The following ELF2 variants were observed in gnomAD, a reference collection of about 807,000 sequenced individuals.
ELF2 encodes E74 like ETS transcription factor 2, also known as ETS-related transcription factor Elf-2.
A neutral mutation model predicts 54.8 loss-of-function variants in ELF2; 11 were observed. That is an observed-to-expected ratio of 0.20 (90% CI 0.13 to 0.33). ELF2 has a LOEUF of 0.33. Ranked by LOEUF, ELF2 falls within the 10% of genes least tolerant of loss-of-function variation. The probability of loss-of-function intolerance (pLI) is 1.00; values close to 1 mark genes in which losing one functional copy is unlikely to be tolerated. For synonymous variants in ELF2, 203 were observed against 245.1 expected (o/e 0.83, Z 1.61); for missense variants, 513 against 703.0 (o/e 0.73, Z 3.06).
chr4:139,145,425 C>T (rs986813926), intron 1 of ELF2, among the ~76,000 whole-genome samples: 2 of 152,174 alleles, frequency 1.3e-5, no homozygotes, highest in South Asian at 4.1e-4. Context: ...CACTGGGCAG[C>T]TAGACCCAGA....
At chr4:139,150,547 T>C (rs1468444842) in intron 1 of ELF2, among the ~76,000 whole-genome samples, 1 of 146,632 alleles carries the variant, frequency 6.8e-6, no homozygotes, top group Non-Finnish European at 1.5e-5. Context: ...AATATGTGAA[T>C]GAGCAAAGGG....
At chr4:139,105,917 A>G (rs893605048) in intron 4 of ELF2, among the ~76,000 whole-genome samples, 2 of 152,216 alleles carry the variant, frequency 1.3e-5, no homozygotes, top group African/African-American at 4.8e-5. Context: ...CCTGGCCAAC[A>G]GCAGCCTTAT....
At chr4:139,150,847 C>A (rs536340375) in intron 1 of ELF2, among the ~76,000 whole-genome samples, 17 of 151,662 alleles carry the variant, frequency 1.1e-4, no homozygotes, top group Non-Finnish European at 1.9e-4. Context: ...ACGGTGAAAC[C>A]CGTCTCTACT....
chr4:139,083,730 G>C (rs1015190442), intron 4 of ELF2, among the ~76,000 whole-genome samples: 9 of 152,216 alleles, frequency 5.9e-5, no homozygotes, highest in African/African-American at 1.7e-4. Flanking sequence ...GCCAGACAGC[G>C]TGGCAGGCGC....
intron 1 of ELF2, among the ~76,000 whole-genome samples, chr4:139,168,091 G>A (rs888674133): frequency 6.6e-6 from 1 of 152,220 alleles, no homozygotes; most frequent in African/African-American, 2.4e-5. Context: ...GTTATGGAAT[G>A]CCGAATGATA....
intron 4 of ELF2, among the ~76,000 whole-genome samples, chr4:139,111,918 A>G (rs1324473521): frequency 6.6e-6 from 1 of 152,176 alleles, no homozygotes; most frequent in African/African-American, 2.4e-5. Flanking sequence ...TGAGAAACCA[A>G]GGAGTTCAGA....
chr4:139,059,024 C>G lies in ELF2; in HGVS notation c.1741G>C (p.Val581Leu). 2 of 1,613,680 alleles carry G rather than the reference C, an allele frequency of 1.2e-6. No homozygotes were observed. The highest frequency in any genetic ancestry group is 1.7e-6 in the Non-Finnish European group (2 of 1,179,718). ...ACTAGTCCTTCTGTTTTCATAGTTA[C>G]AGGAAGGGCAATAGCTGAAGGCGCA... is the stretch of plus-strand genomic sequence containing the variant. ...VSAPSAIALPVTMKTEGLVTC... is the reference protein window; with the variant it reads ...VSAPSAIALPLTMKTEGLVTC... Residue 581 changes from valine (V) to leucine (L), a missense_variant, in exon 10 of 10, where the codon GTA becomes CTA. By Grantham distance (32) the Val-to-Leu change is conservative. Around this residue, in one of 3 missense-constraint regions of ELF2, gnomAD observed 291 missense variants for 366.1 expected, o/e 0.79. Transcript: ENST00000686138.
chr4:139,075,356 G>C (rs1271771861), intron 4 of ELF2, among the ~76,000 whole-genome samples: 4 of 152,134 alleles, frequency 2.6e-5, no homozygotes, highest in Non-Finnish European at 4.4e-5. Context: ...TTGAGGTCTG[G>C]GGGGCTAGCT....
intron 6 of ELF2, among the ~76,000 whole-genome samples, chr4:139,069,440 A>G (rs888569157): frequency 6.6e-6 from 1 of 152,262 alleles, no homozygotes; most frequent in African/African-American, 2.4e-5. Flanking sequence ...ATATTTATAC[A>G]TATGAATCAG....
intron 4 of ELF2, among the ~76,000 whole-genome samples, chr4:139,098,357 TAA>T (rs1166732148): frequency 1.3e-5 from 2 of 152,276 alleles, no homozygotes; most frequent in East Asian, 1.9e-4. Flanking sequence ...TTTAGCAGTA[TAA>T]AGAGTATCTC....
chr4:139,146,266 T>C (rs1739216214), intron 1 of ELF2, among the ~76,000 whole-genome samples: 1 of 152,164 alleles, frequency 6.6e-6, no homozygotes, highest in South Asian at 2.1e-4. Flanking sequence ...ACTCAATCCA[T>C]TTTATAACAG....
At chr4:139,071,295 A>T (rs541660674) in intron 6 of ELF2, among the ~76,000 whole-genome samples, 3 of 152,018 alleles carry the variant, frequency 2.0e-5, no homozygotes, top group Admixed American at 2.0e-4. Context: ...GTATGACTAT[A>T]TATGAATATG....
At position 139,084,438 on chromosome 4, in the gene ELF2, G is replaced by GGGCGGCAGGGGCAGGGGCGGC. The variant is rs763859653; in HGVS notation, c.239-10872_239-10871insGCCGCCCCTGCCCCTGCCGCC. ...GCAGGGGCAGGGGCGGCAGGGGCAGGGGCGGCGGCGGCGGCGGCGGCGGCT... is the reference window on the plus strand; with the variant it reads ...GCAGGGGCAGGGGCGGCAGGGGCAGGGGCGGCAGGGGCAGGGGCGGCGGCGGCGGCGGCGGCGGCGGCGGCT... On this transcript the variant is annotated intron_variant, in intron 4 of 9. Coordinates refer to ENST00000686138, the MANE Select transcript of ELF2 (RefSeq NM_001331036.3). 79 of 1,118,238 alleles carry GGGCGGCAGGGGCAGGGGCGGC rather than the reference G, an allele frequency of 7.1e-5. No homozygotes were observed. In the Admixed American group the frequency reaches 1.4e-3, roughly 20 times the overall value. The allele number at this position is 1,118,238 out of a possible 1,614,324, so 69.3% of individuals were successfully genotyped here. A position where few individuals can be genotyped will look rare whatever the true frequency, so the allele number is the denominator to read the frequency against.
Position 139,059,260 on chromosome 4 carries a change from G to A in ELF2, c.1505C>T (p.Ala502Val). 6.2e-7 allele frequency: 1 copy of A among 1,613,864 alleles called. No individual in the cohort carries two copies. The highest frequency in any genetic ancestry group is 8.5e-7 in the Non-Finnish European group (1 of 1,179,862). ...AVRALTPVSI[A>V]HGTPVMRLSM... ...TAGTCTCATTACAGGTGTACCATGG[G>A]CTATTGAAACAGGGGTAAGTGCTCT... The change falls in exon 10 of 10, where the codon GCC (alanine) becomes GTC (valine). Residue 502 changes from alanine (A) to valine (V), a missense_variant. This residue lies in a region of ELF2 where 291 missense variants were observed against 366.1 expected (regional missense o/e 0.79). Transcript: ENST00000686138.
intron 1 of ELF2, among the ~76,000 whole-genome samples, chr4:139,161,679 A>AAAAAAC (rs1741165991): frequency 6.7e-6 from 1 of 148,670 alleles, no homozygotes; most frequent in African/African-American, 2.5e-5. Context: ...AAAAAAAAAA[A>AAAAAAC]CTCTGAGTAG....
At chr4:139,120,078 T>C (rs1389365853) in intron 4 of ELF2, among the ~76,000 whole-genome samples, 1 of 152,174 alleles carries the variant, frequency 6.6e-6, no homozygotes, top group Non-Finnish European at 1.5e-5. Flanking sequence ...TCGGCCACAT[T>C]TGTGCATCTT....
At chr4:139,082,441 G>C (rs1731248827) in intron 4 of ELF2, among the ~76,000 whole-genome samples, 1 of 152,200 alleles carries the variant, frequency 6.6e-6, no homozygotes, top group Non-Finnish European at 1.5e-5. Flanking sequence ...CTGTCAAACA[G>C]ATGTGTTTTA....
At chr4:139,151,039 A>AGAAAGAAAGAAAGAAAGAAAGAAG (rs1560871201) in intron 1 of ELF2, among the ~76,000 whole-genome samples, 27 of 59,304 alleles carry the variant, frequency 4.6e-4, no homozygotes, top group African/African-American at 1.1e-3. Context: ...AAAAAAAGAA[A>AGAAAGAAAGAAAGAAAGAAAGAAG]GAAAGAAAGA....
intron 1 of ELF2, among the ~76,000 whole-genome samples, chr4:139,174,837 T>C (rs1742746538): frequency 6.6e-6 from 1 of 152,172 alleles, no homozygotes; most frequent in Admixed American, 6.5e-5. Flanking sequence ...CAGGTTGGTG[T>C]CCAAACTCTG....
Sources: gnomAD v4.1 joint callset for allele counts (sites outside exome capture counted in the v4.1 genomes callset) on GRCh38, gnomAD v4.1.1 for gene constraint, gnomAD v4.1.1 regional missense constraint, MANE v1.5 for transcripts, NCBI Gene and HGNC (gene_info 2026-07-23, HGNC 2026-07-21) for gene names.